The following AP1B1 variants were observed in gnomAD, a reference collection of about 807,000 sequenced individuals.
AP1B1 encodes the protein adaptor related protein complex 1 subunit beta 1, also known as AP-1 complex subunit beta-1.
AP1B1 carries 36 observed loss-of-function variants against 104.3 expected under a neutral mutation model. The ratio of observed to expected loss-of-function variants is 0.35; its 90% CI spans 0.26 to 0.46. The LOEUF is 0.46. Ranked by LOEUF, AP1B1 falls within the 20% of genes least tolerant of loss-of-function variation. The pLI, the probability that AP1B1 is intolerant of heterozygous loss-of-function variation, is 1.00. For synonymous variants in AP1B1, 504 were observed against 517.5 expected (o/e 0.97, Z 0.35); for missense variants, 901 against 1,247.9 (o/e 0.72, Z 4.19).
intron 21 of AP1B1, chr22:29,330,078 G>A: frequency 1.4e-6 from 2 of 1,413,138 alleles, no homozygotes; most frequent in Non-Finnish European, 1.8e-6. Context: ...CAGGGCCTGT[G>A]CCCAGCAATG....
chr22:29,368,719 G>T (rs2062182557), intron 1 of AP1B1, among the ~76,000 whole-genome samples: 1 of 149,076 alleles, frequency 6.7e-6, no homozygotes, highest in African/African-American at 2.5e-5. Flanking sequence ...CTTCTGACGA[G>T]GAGGACAGTT....
Position 29,331,778 on chromosome 22 carries a change from G to A in AP1B1, c.2439+9C>T, listed in dbSNP as rs375276977. 1.8e-5 allele frequency: 29 copies of A among 1,614,140 alleles called. No individual in the cohort carries two copies. Among genetic ancestry groups the A allele is most frequent in the Middle Eastern group, 3.3e-4 (2 of 6,062 alleles). On this transcript the variant is annotated intron_variant, in intron 18 of 22. Coordinates refer to ENST00000357586, the MANE Select transcript of AP1B1 (RefSeq NM_001127.4). ...AAGGACTGGGGTGCCTGCCCTGCCC[G>A]GAACCCACCTGGAGGTTGTTCAGAG... is the stretch of plus-strand genomic sequence containing the variant.
At chr22:29,371,388 CT>C (rs2062234157) in intron 1 of AP1B1, among the ~76,000 whole-genome samples, 1 of 152,164 alleles carries the variant, frequency 6.6e-6, no homozygotes, top group African/African-American at 2.4e-5. Context: ...GCCAAAGGGG[CT>C]GAGACCTTGT....
intron 1 of AP1B1, among the ~76,000 whole-genome samples, chr22:29,383,690 C>CAAAAAAAAAAAAAAAAA (rs35180572): frequency 1.1e-5 from 1 of 89,808 alleles, no homozygotes; most frequent in African/African-American, 4.5e-5. Flanking sequence ...GACTCCGTCT[C>CAAAAAAAAAAAAAAAAA]AAAAAAAAAA....
intron 2 of AP1B1, among the ~76,000 whole-genome samples, chr22:29,365,929 C>G (rs1328820691): frequency 6.6e-6 from 1 of 152,110 alleles, no homozygotes; most frequent in African/African-American, 2.4e-5. Flanking sequence ...TTGAGCAACA[C>G]CAGGTCAGAG....
intron 4 of AP1B1, 175 bp downstream of exon 4, chr22:29,359,649 A>AT: frequency 1.3e-6 from 1 of 753,890 alleles, no homozygotes; most frequent in Non-Finnish European, 2.1e-6. Flanking sequence ...TTAGCATCTG[A>AT]TTTTCTGGAG....
intron 1 of AP1B1, among the ~76,000 whole-genome samples, chr22:29,384,480 T>G (rs2062489447): frequency 6.6e-6 from 1 of 152,210 alleles, no homozygotes; most frequent in Non-Finnish European, 1.5e-5. Flanking sequence ...ATTCATTCAT[T>G]CACTCATTCA....
chr22:29,353,879 C>T (rs2061914569), intron 7 of AP1B1, among the ~76,000 whole-genome samples: 1 of 152,208 alleles, frequency 6.6e-6, no homozygotes, highest in Admixed American at 6.5e-5. Flanking sequence ...TGACCAAAAG[C>T]TGTGAGGAGA....
Position 29,331,837 on chromosome 22 carries a change from G to C in AP1B1, c.2389C>G (p.Leu797Val). The change falls in exon 18 of 23, where the codon CTC becomes GTC. Residue 797 changes from leucine to valine, a missense_variant. By Grantham distance (32) the Leu-to-Val change is conservative. Around this residue, in one of 3 missense-constraint regions of AP1B1, gnomAD observed 424 missense variants for 494.0 expected, o/e 0.86. Coordinates refer to ENST00000357586, the MANE Select transcript of AP1B1 (RefSeq NM_001127.4). ...PNQTVEISLP[L>V]STVGSVMKME... ...TTCATGACCGAGCCCACCGTGCTGA[G>C]AGGCAGGGAGATCTCCACTGTCTGG... The C allele has an allele frequency of 6.2e-7, 1 of 1,613,676 alleles. No homozygotes were observed. The highest frequency in any genetic ancestry group is 8.5e-7 in the Non-Finnish European group (1 of 1,179,740).
rs117041772 is a variant in AP1B1, at chr22:29,378,307, A to C, written c.-28+10117T>G. The stretch of plus-strand genomic sequence containing the variant: ...CACGGTGACCCACACCTGTAATCCT[A>C]GCACTGTGTGAGGCTGAGGCAGACA... On this transcript the variant is annotated intron_variant, in intron 1 of 22. Transcript: ENST00000357586. Among the ~76,000 whole-genome samples, 29 of 152,208 alleles carry C rather than the reference A, an allele frequency of 1.9e-4. No individual in the cohort carries two copies. In the East Asian group the frequency reaches 4.2e-3, roughly 22 times the overall value.
Position 29,356,625 on chromosome 22 carries a change from G to A in AP1B1, c.526-9C>T. On this transcript the variant is annotated splice_polypyrimidine_tract_variant and intron_variant, in intron 5 of 22. Transcript: ENST00000357586. ...ACTGCATTGGCCACCACCTGGTTGAGAGGGTGGGAGGGGCAGAGGCTGGGG... is the reference window on the plus strand; with the variant it reads ...ACTGCATTGGCCACCACCTGGTTGAAAGGGTGGGAGGGGCAGAGGCTGGGG... The A allele has an allele frequency of 6.2e-7, 1 of 1,613,116 alleles. No individual in the cohort carries two copies. Among genetic ancestry groups the A allele is most frequent in the Non-Finnish European group, 8.5e-7 (1 of 1,179,370 alleles).
At chr22:29,357,570 T>G (rs2061978922) in intron 5 of AP1B1, among the ~76,000 whole-genome samples, 1 of 152,098 alleles carries the variant, frequency 6.6e-6, no homozygotes, top group Non-Finnish European at 1.5e-5. Flanking sequence ...TTCACTATGT[T>G]GGCCAGGCTG....
chr22:29,341,770 G>T lies in AP1B1; in HGVS notation c.1537-10C>A. The T allele has an allele frequency of 1.3e-6, 2 of 1,597,546 alleles. No individual in the cohort carries two copies. The highest frequency in any genetic ancestry group is 1.7e-6 in the Non-Finnish European group (2 of 1,168,202). ...CTGGGTTATCTGAGTCCTTGTGGGG[G>T]TGAGGAGAAGCCCATGAAACTCAGA... is the stretch of plus-strand genomic sequence containing the variant. On this transcript the variant is annotated splice_polypyrimidine_tract_variant and intron_variant, in intron 12 of 22. Transcript: ENST00000357586.
chr22:29,335,542 A>C (rs997224013), intron 16 of AP1B1, among the ~76,000 whole-genome samples: 1 of 152,042 alleles, frequency 6.6e-6, no homozygotes, highest in African/African-American at 2.4e-5. Flanking sequence ...CTGCCACCAG[A>C]TTTCCCAGGT....
intron 1 of AP1B1, among the ~76,000 whole-genome samples, chr22:29,382,207 T>C (rs559580770): frequency 2.0e-5 from 3 of 152,124 alleles, no homozygotes; most frequent in East Asian, 3.9e-4. Flanking sequence ...GCGTGTGCCA[T>C]GCCCAGCTAA....
chr22:29,364,480 C>T (rs1286498757), intron 2 of AP1B1, among the ~76,000 whole-genome samples: 1 of 151,572 alleles, frequency 6.6e-6, no homozygotes, highest in Non-Finnish European at 1.5e-5. Flanking sequence ...GTGCAGTGGC[C>T]CCATCTCAGC....
chr22:29,331,663 T>A (rs979209576), intron 18 of AP1B1, 124 bp downstream of exon 18: 11 of 1,587,574 alleles, frequency 6.9e-6, no homozygotes, highest in African/African-American at 1.3e-5. Context: ...TTCCCCAACC[T>A]GGGCCTCCCC....
chr22:29,371,081 C>CAA (rs2062227955), intron 1 of AP1B1, among the ~76,000 whole-genome samples: 1 of 152,152 alleles, frequency 6.6e-6, no homozygotes. Flanking sequence ...CAAAACAAAA[C>CAA]AAAACACCTC....
chr22:29,330,570 G>A (rs746908766), intron 20 of AP1B1, 38 bp from the exon 21 acceptor site: 15 of 1,612,516 alleles, frequency 9.3e-6, no homozygotes, highest in East Asian at 2.2e-5. Context: ...CCCAGTCAGC[G>A]CGGGGGCCTG....
Sources: gnomAD v4.1 joint callset for allele counts (sites outside exome capture counted in the v4.1 genomes callset) on GRCh38, gnomAD v4.1.1 for gene constraint, gnomAD v4.1.1 regional missense constraint, MANE v1.5 for transcripts, NCBI Gene and HGNC (gene_info 2026-07-23, HGNC 2026-07-21) for gene names.